The following SCN9A variants were observed in gnomAD, a reference collection of about 807,000 sequenced individuals.
SCN9A encodes sodium voltage-gated channel alpha subunit 9.
Under a neutral mutation model 187.0 loss-of-function variants are expected in SCN9A, and 131 were observed. The ratio of observed to expected loss-of-function variants is 0.70; its 90% CI spans 0.61 to 0.81. The LOEUF is 0.81. SCN9A is among the 30% of genes least tolerant of loss of function. SCN9A has a pLI of 0.00. For synonymous variants in SCN9A, 809 were observed against 808.6 expected (o/e 1.00, Z -0.01); for missense variants, 2,252 against 2,396.6 (o/e 0.94, Z 1.26).
intron 1 of SCN9A, among the ~76,000 whole-genome samples, chr2:166,367,294 G>T (rs149440243): frequency 6.6e-6 from 1 of 151,694 alleles, no homozygotes; most frequent in Non-Finnish European, 1.5e-5. Flanking sequence ...ACTGAGTCTC[G>T]CTCTGTTGCC....
intron 1 of SCN9A, among the ~76,000 whole-genome samples, chr2:166,333,121 A>T (rs1419225071): frequency 6.6e-6 from 1 of 152,004 alleles, no homozygotes; most frequent in Non-Finnish European, 1.5e-5. Context: ...CAACAGGATA[A>T]TTCTTCCCTA....
chr2:166,370,021 T>A (rs780344643), intron 1 of SCN9A, among the ~76,000 whole-genome samples: 1 of 151,970 alleles, frequency 6.6e-6, no homozygotes, highest in African/African-American at 2.4e-5. Context: ...GTTTTACTCA[T>A]CTGCATGGAT....
chr2:166,268,310 G>A (rs898265205), intron 17 of SCN9A, among the ~76,000 whole-genome samples: 7 of 151,990 alleles, frequency 4.6e-5, no homozygotes, highest in African/African-American at 1.7e-4. Flanking sequence ...TAGTGGCTAA[G>A]ACTTAATGAC....
chr2:166,351,101 T>A (rs1000085439), intron 1 of SCN9A, among the ~76,000 whole-genome samples: 3 of 152,140 alleles, frequency 2.0e-5, no homozygotes, highest in African/African-American at 4.8e-5. Context: ...ATCTAAGTTT[T>A]AAAAAAATCT....
intron 12 of SCN9A, among the ~76,000 whole-genome samples, chr2:166,282,527 C>T (rs1176241641): frequency 1.7e-5 from 2 of 120,900 alleles, no homozygotes; most frequent in Admixed American, 9.6e-5. Context: ...GAAACTAATT[C>T]AAATTTAAAA....
In SCN9A at chr2:166,196,040, G is replaced by C. The variant is rs544707887; in HGVS notation, c.*2632C>G. 6.1e-5 allele frequency: 9 copies of C among 148,062 alleles called. No individual in the cohort carries two copies. Among genetic ancestry groups the C allele is most frequent in the African/African-American group, 2.3e-4 (9 of 39,648 alleles). The allele number at this position is 148,062 out of a possible 1,614,324, so 9.2% of individuals were successfully genotyped here. On this transcript the variant is annotated 3_prime_UTR_variant, in exon 27 of 27. Coordinates refer to ENST00000642356, the MANE Select transcript of SCN9A (RefSeq NM_001365536.1). ...TAGCCTGGGTGACAGAGCGAGACCT[G>C]GTCACTTAAAAAAGTTTTTAGAAAA...
chr2:166,220,516 C>T (rs76577474), intron 24 of SCN9A, among the ~76,000 whole-genome samples: 3,152 of 152,242 alleles, frequency 0.021, 122 homozygotes, highest in African/African-American at 0.073. Context: ...TGTTATGACA[C>T]AACAAATAAG....
chr2:166,307,439 A>G (rs1175626586), intron 2 of SCN9A, among the ~76,000 whole-genome samples: 3 of 152,236 alleles, frequency 2.0e-5, no homozygotes, highest in African/African-American at 4.8e-5. Flanking sequence ...AGAAAGCCAA[A>G]TAGAAACTAG....
intron 14 of SCN9A, among the ~76,000 whole-genome samples, chr2:166,279,097 T>C (rs1459164726): frequency 6.6e-6 from 1 of 151,968 alleles, no homozygotes; most frequent in Non-Finnish European, 1.5e-5. Flanking sequence ...CTTTCTGAGT[T>C]CACAGGGATG....
At position 166,281,785 on chromosome 2, in the gene SCN9A, C is replaced by G. The variant is rs369989247; in HGVS notation, c.1998G>C (p.Lys666Asn). The change falls in exon 13 of 27, where the codon AAG (lysine) becomes AAC (asparagine). Residue 666 changes from lysine to asparagine, a missense_variant. Around this residue, in one of 7 missense-constraint regions of SCN9A, gnomAD observed 1,013 missense variants for 997.4 expected, o/e 1.02. Transcript: ENST00000642356. ...GGAGATAGGAACTACAACGCCTTTTCTTGTGTATTTGATTGGTCGTGCCCT... is the reference window on the plus strand; with the variant it reads ...GGAGATAGGAACTACAACGCCTTTTGTTGTGTATTTGATTGGTCGTGCCCT... ...DDSGTTNQIHKKRRCSSYLLS... is the reference protein window; with the variant it reads ...DDSGTTNQIHNKRRCSSYLLS... 6.2e-7 allele frequency: 1 copy of G among 1,612,212 alleles called. No homozygotes were observed. The highest frequency in any genetic ancestry group is 8.5e-7 in the Non-Finnish European group (1 of 1,179,198).
chr2:166,354,554 A>C (rs1700109840), intron 1 of SCN9A, among the ~76,000 whole-genome samples: 2 of 152,204 alleles, frequency 1.3e-5, no homozygotes, highest in Non-Finnish European at 2.9e-5. Context: ...AAGCACCTTA[A>C]AATTGTAGAT....
chr2:166,327,586 A>G (rs1299719003), intron 1 of SCN9A, among the ~76,000 whole-genome samples: 2 of 152,170 alleles, frequency 1.3e-5, no homozygotes, highest in African/African-American at 2.4e-5. Context: ...ATTATTTGTT[A>G]CCTGAAATTT....
In SCN9A at chr2:166,294,327, G is replaced by A. The variant is rs192937827; in HGVS notation, c.965+272C>T. On this transcript the variant is annotated intron_variant, in intron 8 of 26. Coordinates refer to ENST00000642356, the MANE Select transcript of SCN9A (RefSeq NM_001365536.1). ...AATTATCCAACCAACTTTTGGTGGA[G>A]TTTTCTAGAAGTAACATTTTCTACC... 1.9e-4 allele frequency among the ~76,000 whole-genome samples: 29 copies of A among 152,212 alleles called. No individual in the cohort carries two copies. The East Asian group carries it at 3.9e-3, about 20-fold the overall frequency.
chr2:166,327,555 A>G (rs978424419), intron 1 of SCN9A, among the ~76,000 whole-genome samples: 2 of 152,260 alleles, frequency 1.3e-5, no homozygotes. Flanking sequence ...TATTATATTT[A>G]GGGATTTCAA....
chr2:166,228,753 A>G lies in SCN9A; in HGVS notation c.4144T>C (p.Trp1382Arg). ...TCAAAGTTCACTTTCAGGTTTTTCCATCGCACATTTTGACTAACATTCATA... is the reference window on the plus strand; with the variant it reads ...TCAAAGTTCACTTTCAGGTTTTTCCGTCGCACATTTTGACTAACATTCATA... The part of the protein sequence containing the change: ...ALMNVSQNVR[W>R]KNLKVNFDNV... Residue 1382 changes from tryptophan (W) to arginine (R), a missense_variant, in exon 22 of 27, where the codon TGG becomes CGG. Physicochemically the swap from Trp to Arg is moderately radical, Grantham distance 101. This residue lies in a region of SCN9A where 368 missense variants were observed against 408.6 expected (regional missense o/e 0.90). Coordinates refer to ENST00000642356, the MANE Select transcript of SCN9A (RefSeq NM_001365536.1). 1 of 1,613,984 alleles carries G rather than the reference A, an allele frequency of 6.2e-7. No individual in the cohort carries two copies. The highest frequency in any genetic ancestry group is 8.5e-7 in the Non-Finnish European group (1 of 1,179,864).
At chr2:166,303,388 A>G (rs1698644924) in intron 6 of SCN9A, 86 bp from the exon 7 acceptor site, 9 of 1,045,198 alleles carry the variant, frequency 8.6e-6, no homozygotes, top group African/African-American at 3.2e-5. Flanking sequence ...AAAGTCATGC[A>G]TTATATCAAA....
rs192916635 is a variant in SCN9A at position 166,329,012 on chromosome 2, T to C, written c.-50-17206A>G. ...CCATGAATTCCCTTAATGTACAATA[T>C]AGTATAAAAATTATTTTTTTACAAA... On this transcript the variant is annotated intron_variant, in intron 1 of 26. Transcript: ENST00000642356. 1.6e-3 allele frequency among the ~76,000 whole-genome samples: 246 copies of C among 152,250 alleles called. 2 individuals carry two copies. The highest frequency in any genetic ancestry group is 3.2e-3 in the Non-Finnish European group (216 of 67,984).
intron 17 of SCN9A, among the ~76,000 whole-genome samples, chr2:166,261,964 T>C (rs1022565150): frequency 3.9e-5 from 6 of 152,012 alleles, no homozygotes; most frequent in Admixed American, 3.9e-4. Context: ...TACTTTTCTG[T>C]AATAACATAA....
chr2:166,222,352 A>G (rs1694622963), intron 24 of SCN9A, among the ~76,000 whole-genome samples: 1 of 152,330 alleles, frequency 6.6e-6, no homozygotes, highest in Admixed American at 6.5e-5. Context: ...AATGAGGGCC[A>G]GGTGCAGTGG....
Sources: gnomAD v4.1 joint callset for allele counts (sites outside exome capture counted in the v4.1 genomes callset) on GRCh38, gnomAD v4.1.1 for gene constraint, gnomAD v4.1.1 regional missense constraint, MANE v1.5 for transcripts, NCBI Gene and HGNC (gene_info 2026-07-23, HGNC 2026-07-21) for gene names.